The following SULF1 variants were observed in gnomAD, a reference collection of about 807,000 sequenced individuals.
SULF1 encodes the protein extracellular sulfatase Sulf-1.
Under a neutral mutation model 110.5 loss-of-function variants are expected in SULF1, and 46 were observed. The ratio of observed to expected loss-of-function variants is 0.42; its 90% CI spans 0.33 to 0.53. The LOEUF is 0.53. Ranked by LOEUF, SULF1 falls within the 20% of genes least tolerant of loss-of-function variation. The pLI, the probability that SULF1 is intolerant of heterozygous loss-of-function variation, is 0.12. For synonymous variants in SULF1, 371 were observed against 387.1 expected (o/e 0.96, Z 0.49); for missense variants, 941 against 1,094.2 (o/e 0.86, Z 1.98).
chr8:69,505,869 A>G (rs1811148341), intron 3 of SULF1, among the ~76,000 whole-genome samples: 1 of 152,146 alleles, frequency 6.6e-6, no homozygotes, highest in Non-Finnish European at 1.5e-5. Context: ...ATTTGTTGTA[A>G]AAACCATATA....
At chr8:69,469,617 A>G (rs1402921850) in intron 1 of SULF1, among the ~76,000 whole-genome samples, 1 of 152,214 alleles carries the variant, frequency 6.6e-6, no homozygotes, top group Non-Finnish European at 1.5e-5. Context: ...TGTTGTAGCC[A>G]TTTCCATCAT....
chr8:69,621,106 C>G lies in SULF1; in HGVS notation c.1449C>G (p.Leu483=). ...AGTGTAAAGGACCCAGTGACCTGCT[C>G]ACAGTCCGGCAGAGCACGCGGAACC... ...IHKCKGPSDL[L]TVRQSTRNLY... The change falls in exon 14 of 23, where the codon CTC becomes CTG. Residue 483 remains leucine, a synonymous_variant. Transcript: ENST00000402687. 3 of 1,614,084 alleles carry G rather than the reference C, an allele frequency of 1.9e-6. No homozygotes were observed. Among genetic ancestry groups the G allele is most frequent in the Non-Finnish European group, 2.5e-6 (3 of 1,179,944 alleles).
At chr8:69,470,306 T>C (rs867512155) in intron 1 of SULF1, among the ~76,000 whole-genome samples, 3 of 152,292 alleles carry the variant, frequency 2.0e-5, no homozygotes, top group Middle Eastern at 3.4e-3. Flanking sequence ...TGAAACTAAG[T>C]CTATGATCAT....
chr8:69,572,962 G>GGA (rs781776642), intron 5 of SULF1, among the ~76,000 whole-genome samples: 26 of 152,158 alleles, frequency 1.7e-4, no homozygotes, highest in African/African-American at 6.3e-4. Flanking sequence ...CAAGTAGCTG[G>GGA]GTCTACAGGC....
intron 1 of SULF1, among the ~76,000 whole-genome samples, chr8:69,487,673 A>G (rs986702336): frequency 2.6e-5 from 4 of 152,224 alleles, no homozygotes; most frequent in African/African-American, 4.8e-5. Context: ...ATGAGGCACA[A>G]TTCAGAAGAG....
At chr8:69,644,959 C>T (rs1284000010) in intron 22 of SULF1, among the ~76,000 whole-genome samples, 4 of 152,130 alleles carry the variant, frequency 2.6e-5, no homozygotes, top group Non-Finnish European at 4.4e-5. Context: ...CACTGTTGGA[C>T]TTTTCTGTTT....
At chr8:69,470,079 C>G (rs1046969377) in intron 1 of SULF1, among the ~76,000 whole-genome samples, 1 of 152,104 alleles carries the variant, frequency 6.6e-6, no homozygotes, top group Non-Finnish European at 1.5e-5. Context: ...ATTTCTGATA[C>G]TGAGCTATAT....
intron 3 of SULF1, among the ~76,000 whole-genome samples, chr8:69,532,054 A>C (rs1185120794): frequency 1.3e-5 from 2 of 152,196 alleles, no homozygotes; most frequent in Admixed American, 6.5e-5. Flanking sequence ...CAAGAGGAAC[A>C]AGTGAGGGGT....
chr8:69,507,470 CT>C lies in SULF1; in HGVS notation c.-134+5503del, dbSNP rs1415644455. ...GGTGTCCTAATTTGACCGCATTTAT[CT>C]GCTTAGATTTCACAAGAGTGCATCA... is the stretch of plus-strand genomic sequence containing the variant. On this transcript the variant is annotated intron_variant, in intron 3 of 22. Transcript: ENST00000402687. 7.2e-5 allele frequency among the ~76,000 whole-genome samples: 11 copies of C among 152,230 alleles called. No individual in the cohort carries two copies. In the East Asian group the frequency reaches 2.1e-3, roughly 29 times the overall value.
At chr8:69,584,838 A>G (rs776337016) in intron 6 of SULF1, among the ~76,000 whole-genome samples, 27 of 152,256 alleles carry the variant, frequency 1.8e-4, no homozygotes, top group Admixed American at 8.5e-4. Flanking sequence ...GTAGTCGTAT[A>G]TCAAAGATAA....
intron 2 of SULF1, among the ~76,000 whole-genome samples, chr8:69,500,683 G>A (rs925230335): frequency 4.6e-5 from 7 of 152,136 alleles, no homozygotes; most frequent in African/African-American, 1.7e-4. Context: ...GAGACAGGAT[G>A]GAAAAGTTCT....
intron 3 of SULF1, among the ~76,000 whole-genome samples, chr8:69,545,105 T>C (rs550169498): frequency 9.4e-5 from 14 of 148,878 alleles, no homozygotes; most frequent in Admixed American, 4.7e-4. Flanking sequence ...TTTTTTCATT[T>C]CTATGGCTCA....
At chr8:69,492,034 T>G (rs1276765975), upstream of SULF1, among the ~76,000 whole-genome samples, 1 of 142,952 alleles carries the variant, frequency 7.0e-6, no homozygotes, top group East Asian at 2.3e-4. Context: ...CATTATAACG[T>G]GCTGGGGAGT....
chr8:69,598,191 A>G (rs1418069639), intron 8 of SULF1, among the ~76,000 whole-genome samples: 4 of 151,812 alleles, frequency 2.6e-5, no homozygotes, highest in Non-Finnish European at 5.9e-5. Context: ...TTGAAAGTTT[A>G]TCTTAAGGAT....
chr8:69,479,602 A>G (rs1159861333), intron 1 of SULF1, among the ~76,000 whole-genome samples: 2 of 152,180 alleles, frequency 1.3e-5, no homozygotes, highest in African/African-American at 2.4e-5. Context: ...TGGATTTTCC[A>G]GGAAAGGATA....
At chr8:69,640,184 A>AG (rs1563621331) in intron 21 of SULF1, among the ~76,000 whole-genome samples, 63 of 149,374 alleles carry the variant, frequency 4.2e-4, no homozygotes, top group African/African-American at 9.1e-4. Flanking sequence ...AGAAAGAGAA[A>AG]AGAAAGAAAG....
chr8:69,610,724 A>G (rs1487521486), intron 13 of SULF1, among the ~76,000 whole-genome samples: 1 of 152,224 alleles, frequency 6.6e-6, no homozygotes, highest in Non-Finnish European at 1.5e-5. Flanking sequence ...TAGGCATTTT[A>G]CTCATAAACT....
intron 22 of SULF1, among the ~76,000 whole-genome samples, chr8:69,644,318 C>G (rs10107022): frequency 0.57 from 86,142 of 151,998 alleles, 24,888 homozygotes; most frequent in African/African-American, 0.69. Context: ...CCCTAGCAGG[C>G]GCCAAGCCCC....
Position 69,551,814 on chromosome 8 carries a change from G to A in SULF1, c.-133-11725G>A, listed in dbSNP as rs574951861. On this transcript the variant is annotated intron_variant, in intron 3 of 22. Coordinates refer to ENST00000402687, the MANE Select transcript of SULF1 (RefSeq NM_001128205.2). ...TTGCTAGAAATGCAATTTTAAGGCC[G>A]GGTGCGGTGGCTCATGCCTGTAATC... Among the ~76,000 whole-genome samples, 929 of 152,220 alleles carry A rather than the reference G, an allele frequency of 6.1e-3. 8 individuals carry two copies. The highest frequency in any genetic ancestry group is 0.021 in the African/African-American group (867 of 41,540).
Sources: gnomAD v4.1 joint callset for allele counts (sites outside exome capture counted in the v4.1 genomes callset) on GRCh38, gnomAD v4.1.1 for gene constraint, MANE v1.5 for transcripts, NCBI Gene and HGNC (gene_info 2026-07-23, HGNC 2026-07-21) for gene names.